The following EHMT1 variants were observed in gnomAD, a reference collection of about 807,000 sequenced individuals.
The protein encoded by EHMT1 is histone-lysine N-methyltransferase EHMT1.
Under a neutral mutation model 147.2 loss-of-function variants are expected in EHMT1, and 15 were observed. The observed-to-expected ratio is 0.10, with a 90% CI of 0.07 to 0.16. The LOEUF is 0.16. EHMT1 is among the 10% of genes least tolerant of loss of function. EHMT1 has a pLI of 1.00. For synonymous variants in EHMT1, 795 were observed against 709.6 expected (o/e 1.12, Z -1.91); for missense variants, 1,587 against 1,772.4 (o/e 0.90, Z 1.88).
At chr9:137,734,541 A>C (rs1947372595) in intron 4 of EHMT1, among the ~76,000 whole-genome samples, 2 of 152,228 alleles carry the variant, frequency 1.3e-5, no homozygotes. Flanking sequence ...TCCAGGAAGA[A>C]GAGAGTAAGA....
intron 1 of EHMT1, among the ~76,000 whole-genome samples, chr9:137,691,470 G>A (rs1002080953): frequency 3.3e-5 from 5 of 151,592 alleles, no homozygotes; most frequent in Non-Finnish European, 7.4e-5. Flanking sequence ...GAGCCACCGC[G>A]CCCAGCCGTA....
At chr9:137,729,724 CT>C (rs1946940999) in intron 4 of EHMT1, among the ~76,000 whole-genome samples, 2 of 151,956 alleles carry the variant, frequency 1.3e-5, no homozygotes, top group South Asian at 2.1e-4. Context: ...CCATGTATTA[CT>C]TTTTTTTCTG....
intron 18 of EHMT1, among the ~76,000 whole-genome samples, chr9:137,808,083 G>T (rs567674709): frequency 4.9e-4 from 75 of 152,264 alleles, no homozygotes; most frequent in African/African-American, 1.8e-3. Flanking sequence ...GGTTTGTTAG[G>T]TGGGTCTGGA....
intron 3 of EHMT1, among the ~76,000 whole-genome samples, chr9:137,718,422 C>A (rs1425451044): frequency 6.6e-6 from 1 of 152,254 alleles, no homozygotes; most frequent in Non-Finnish European, 1.5e-5. Context: ...AACATTCTGA[C>A]AGCACTTTCT....
chr9:137,759,151 A>G (rs759645510), intron 9 of EHMT1, among the ~76,000 whole-genome samples: 4 of 151,936 alleles, frequency 2.6e-5, no homozygotes, highest in South Asian at 2.1e-4. Flanking sequence ...AAAAACAACA[A>G]CAGCAGCAAC....
intron 1 of EHMT1, among the ~76,000 whole-genome samples, chr9:137,632,309 A>T (rs12341682): frequency 4.0e-5 from 6 of 151,708 alleles, no homozygotes; most frequent in Non-Finnish European, 1.5e-5. Context: ...GGGTTGGGGG[A>T]GGGTTGGGAA....
rs56926730 is a variant in EHMT1 at position 137,717,882 on chromosome 9, G to A, written c.642+700G>A. 9.2e-3 allele frequency among the ~76,000 whole-genome samples: 1,409 copies of A among 152,344 alleles called. 19 individuals are homozygous for A. Among genetic ancestry groups the A allele is most frequent in the African/African-American group, 0.032 (1,316 of 41,592 alleles). On this transcript the variant is annotated intron_variant, in intron 3 of 26. Transcript: ENST00000460843. ...ACTTGGTTAGGGCCAGAATGTCACAGAAGTGAGGGGCAAAGGGCCACCTGG... is the reference window on the plus strand; with the variant it reads ...ACTTGGTTAGGGCCAGAATGTCACAAAAGTGAGGGGCAAAGGGCCACCTGG...
rs1263799437 is a variant in EHMT1, at chr9:137,786,047, G to A, written c.2382+3650G>A. Reference sequence around the variant, plus strand: ...CCTGGCCCTGCCAGGGCTCCCTGCTGACTGCCTGTGCTCTGTGCTTGTCTG... The same window carrying A: ...CCTGGCCCTGCCAGGGCTCCCTGCTAACTGCCTGTGCTCTGTGCTTGTCTG... On this transcript the variant is annotated intron_variant, in intron 15 of 26. Transcript: ENST00000460843. The surrounding 1 kb of genome is among the most constrained non-coding windows in gnomAD (Gnocchi z 4.3). The A allele has an allele frequency of 6.6e-6, 1 of 152,568 alleles. No homozygotes were observed. The highest frequency in any genetic ancestry group is 2.4e-5 in the African/African-American group (1 of 41,478). The allele number at this position is 152,568 out of a possible 1,614,324, so 9.5% of individuals were successfully genotyped here. A position where few individuals can be genotyped will look rare whatever the true frequency, so the allele number is the denominator to read the frequency against.
At chr9:137,631,186 C>G (rs541265926) in intron 1 of EHMT1, among the ~76,000 whole-genome samples, 8 of 152,090 alleles carry the variant, frequency 5.3e-5, no homozygotes, top group African/African-American at 1.9e-4. Flanking sequence ...GTCAGAAGTT[C>G]AAGAGCAGCC....
intron 1 of EHMT1, among the ~76,000 whole-genome samples, chr9:137,701,684 A>G (rs1346598738): frequency 1.0e-4 from 15 of 145,436 alleles, no homozygotes; most frequent in Non-Finnish European, 2.2e-4. Flanking sequence ...CTGGAGTGCA[A>G]TGGTGTGATC....
chr9:137,721,409 G>T (rs1273009998), intron 3 of EHMT1, among the ~76,000 whole-genome samples: 1 of 26,550 alleles, frequency 3.8e-5, no homozygotes, highest in South Asian at 1.4e-3. Flanking sequence ...CCCCTCCCAC[G>T]CCTCTCACCC....
In EHMT1 at chr9:137,776,898, C is replaced by T; in HGVS notation, c.2018+54C>T. On this transcript the variant is annotated intron_variant, in intron 12 of 26. Coordinates refer to ENST00000460843, the MANE Select transcript of EHMT1 (RefSeq NM_024757.5). This position sits in a 1 kb window ranked among gnomAD's most constrained non-coding sequence, Gnocchi z 4.4. ...TCCAGTCGTCCACCTGAAAAAGTTT[C>T]AGTTGTTAACTCAACGTTATTGCTT... The T allele has an allele frequency of 6.5e-7, 1 of 1,545,510 alleles. No individual in the cohort carries two copies. The highest frequency in any genetic ancestry group is 8.9e-7 in the Non-Finnish European group (1 of 1,126,044).
intron 1 of EHMT1, among the ~76,000 whole-genome samples, chr9:137,692,795 G>A (rs1466150334): frequency 1.3e-5 from 2 of 152,174 alleles, no homozygotes; most frequent in African/African-American, 4.8e-5. Context: ...GCTCCAGTGC[G>A]CAGTGTCTGT....
At chr9:137,623,364 G>T (rs920193084) in intron 1 of EHMT1, among the ~76,000 whole-genome samples, 9 of 151,888 alleles carry the variant, frequency 5.9e-5, no homozygotes, top group African/African-American at 1.7e-4. Context: ...AGCTAGCCAG[G>T]AAGGTGTGGT....
At chr9:137,821,039 G>A (rs1333780606) in intron 25 of EHMT1, among the ~76,000 whole-genome samples, 4 of 152,142 alleles carry the variant, frequency 2.6e-5, no homozygotes, top group Non-Finnish European at 2.9e-5. Context: ...CACCACGCCC[G>A]GCTAACTTTT....
At chr9:137,734,411 T>A (rs1466545722) in intron 4 of EHMT1, among the ~76,000 whole-genome samples, 1 of 152,124 alleles carries the variant, frequency 6.6e-6, no homozygotes, top group Admixed American at 6.5e-5. Flanking sequence ...GATAGCAAAC[T>A]TGAAGATAGG....
chr9:137,699,218 A>T (rs1943638814), intron 1 of EHMT1, among the ~76,000 whole-genome samples: 2 of 152,240 alleles, frequency 1.3e-5, no homozygotes, highest in Non-Finnish European at 2.9e-5. Flanking sequence ...ATTGTCTTTT[A>T]AAAAAGCATC....
intron 18 of EHMT1, chr9:137,802,712 C>T (rs1014021777): frequency 1.6e-5 from 14 of 859,756 alleles, no homozygotes; most frequent in African/African-American, 1.2e-4. Flanking sequence ...TGTGGGCACC[C>T]GCTGCCTCCC....
At chr9:137,648,510 T>C (rs1020894470) in intron 1 of EHMT1, among the ~76,000 whole-genome samples, 2 of 104,326 alleles carry the variant, frequency 1.9e-5, no homozygotes, top group African/African-American at 9.6e-5. Flanking sequence ...AAAAAAAAAA[T>C]AGTTGGGCAT....
Sources: allele counts gnomAD v4.1 joint callset (sites outside exome capture counted in the v4.1 genomes callset), GRCh38; gene constraint gnomAD v4.1.1; non-coding constraint Gnocchi (gnomAD v3.1); transcripts MANE v1.5; gene names NCBI Gene and HGNC (gene_info 2026-07-23, HGNC 2026-07-21).